METTL3: variants seen among roughly 807,000 people sequenced by gnomAD.
The protein encoded by METTL3 is methyltransferase 3, N6-adenosine-methyltransferase complex catalytic subunit, also known as N(6)-adenosine-methyltransferase catalytic subunit METTL3.
METTL3 carries 42 observed loss-of-function variants against 64.3 expected under a neutral mutation model. That is an observed-to-expected ratio of 0.65 (90% CI 0.51 to 0.84). The LOEUF (loss-of-function observed/expected upper bound fraction) is 0.84. Ranked by LOEUF, METTL3 falls within the 40% of genes least tolerant of loss-of-function variation. METTL3 has a pLI of 0.00. For synonymous variants in METTL3, 256 were observed against 263.6 expected (o/e 0.97, Z 0.28); for missense variants, 435 against 722.3 (o/e 0.60, Z 4.56).
chr14:21,498,808 C>G (rs1891478524), intron 10 of METTL3: 1 of 543,132 alleles, frequency 1.8e-6, no homozygotes, highest in Non-Finnish European at 3.3e-6. Context: ...GAGTAGAAAC[C>G]CTAGGGAGCA....
intron 4 of METTL3, 196 bp from the exon 5 acceptor site, chr14:21,501,325 T>C (rs571274890): frequency 3.4e-6 from 2 of 590,300 alleles, no homozygotes; most frequent in Non-Finnish European, 5.9e-6. Context: ...AATTCCTCTC[T>C]GAGTAAAGAC....
At chr14:21,501,600 C>G in intron 4 of METTL3, 128 bp downstream of exon 4, 1 of 1,152,530 alleles carries the variant, frequency 8.7e-7, no homozygotes, top group Non-Finnish European at 1.2e-6. Context: ...CCTTCAGGGT[C>G]TGGAGGACTT....
At chr14:21,498,501 AT>A in intron 10 of METTL3, 132 bp from the exon 11 acceptor site, 1 of 796,758 alleles carries the variant, frequency 1.3e-6, no homozygotes, top group Non-Finnish European at 2.0e-6. Flanking sequence ...AGAGCTTAAC[AT>A]TAGAATAGTA....
chr14:21,502,911 T>G, intron 3 of METTL3: 1 of 381,118 alleles, frequency 2.6e-6, no homozygotes, highest in Non-Finnish European at 4.7e-6. Context: ...CTGTTTGTTG[T>G]GGGGGTTTGT....
At chr14:21,505,231 C>T (rs1891669315) in intron 1 of METTL3, among the ~76,000 whole-genome samples, 1 of 152,236 alleles carries the variant, frequency 6.6e-6, no homozygotes, top group Admixed American at 6.5e-5. Context: ...ATTCCACTCT[C>T]ACCCATTTCT....
chr14:21,499,883 A>G, intron 6 of METTL3, 81 bp from the exon 7 acceptor site: 2 of 1,332,054 alleles, frequency 1.5e-6, no homozygotes, highest in South Asian at 1.2e-5. Context: ...TAAAAACACT[A>G]TAAACACTTT....
rs1891502245 is a variant in METTL3, at chr14:21,499,541, C to T, written c.1403G>A (p.Arg468Gln). The T allele has an allele frequency of 6.2e-7, 1 of 1,614,052 alleles. No homozygotes were observed. The highest frequency in any genetic ancestry group is 8.5e-7 in the Non-Finnish European group (1 of 1,180,038). The change falls in exon 8 of 11, where the codon CGG becomes CAG. Residue 468 changes from arginine to glutamine, a missense_variant. By Grantham distance (43) the Arg-to-Gln change is conservative (BLOSUM62 1). Around this residue, in one of 9 missense-constraint regions of METTL3, gnomAD observed 0 missense variants for 16.7 expected, o/e 0.00. Transcript: ENST00000298717. ...VKTNQLQRII[R>Q]TGRTGHWLNH... ...CAACCAGTGACCTGTACGGCCTGTC[C>T]GAATGATGCGTTGCAGTTGATTTGT...
intron 3 of METTL3, chr14:21,502,238 G>A (rs1263793): frequency 0.48 from 102,063 of 212,292 alleles, 25,004 homozygotes; most frequent in East Asian, 0.59. Flanking sequence ...TGCCCAGGCC[G>A]GTCTTGAACT....
rs3168880 is a variant in METTL3 at position 21,499,294 on chromosome 14, G to A, written c.1518+12C>T. 444,909 of 1,613,362 alleles carry A rather than the reference G, an allele frequency of 0.28. 63,641 individuals are homozygous for A. Among genetic ancestry groups the A allele is most frequent in the Middle Eastern group, 0.37 (2,267 of 6,060 alleles). On this transcript the variant is annotated intron_variant, in intron 9 of 10. Transcript: ENST00000298717. ...AAAATGTGGAAGCTTTGGAGGCCTG[G>A]GAAGCACATACCTCAGCTACGATCA...
chr14:21,499,256 A>G (rs1390035212), intron 9 of METTL3, 50 bp downstream of exon 9: 1 of 1,608,600 alleles, frequency 6.2e-7, no homozygotes, highest in African/African-American at 1.3e-5. Context: ...AACATGAATA[A>G]CTGATACCAA....
At chr14:21,504,352 A>G (rs1891645710) in intron 1 of METTL3, 1 of 158,716 alleles carries the variant, frequency 6.3e-6, no homozygotes, top group African/African-American at 2.4e-5. Flanking sequence ...TGTTACCTAT[A>G]ACACTCACAA....
At chr14:21,500,381 C>A (rs1891532174) in intron 6 of METTL3, 114 bp downstream of exon 6, 8 of 1,041,430 alleles carry the variant, frequency 7.7e-6, no homozygotes, top group Non-Finnish European at 1.1e-5. Context: ...GAAAAAAAGA[C>A]TAAATCAGTC....
chr14:21,505,071 G>T (rs1891665181), intron 1 of METTL3: 1 of 152,228 alleles, frequency 6.6e-6, no homozygotes, highest in Non-Finnish European at 1.5e-5. Flanking sequence ...GAGAGGCCAA[G>T]GTGGGAGGAT....
At position 21,499,629 on chromosome 14, in the gene METTL3, T is replaced by A. The variant is rs749643805; in HGVS notation, c.1344-29A>T. 5.0e-6 allele frequency: 8 copies of A among 1,606,106 alleles called. No homozygotes were observed. The South Asian group carries it at 8.8e-5, about 18-fold the overall frequency. On this transcript the variant is annotated intron_variant, in intron 7 of 10. Transcript: ENST00000298717. ...TGGGGCATAAAAAAGAACTAGAATT[T>A]TAGCCAAACTTTTACAGTTTAGGGG...
Position 21,503,498 on chromosome 14 carries a change from C to T in METTL3, c.398G>A (p.Arg133Gln), listed in dbSNP as rs911302939. Residue 133 changes from arginine (R) to glutamine (Q), a missense_variant, in exon 3 of 11, where the codon CGA becomes CAA. Coordinates refer to ENST00000298717, the MANE Select transcript of METTL3 (RefSeq NM_019852.5). ...FAAQELIEVK[R>Q]GLLQDDAHPT... is the part of the protein sequence containing the mutation. Reference sequence around the variant, plus strand: ...ATGTGCATCATCTTGTAGGAGACCTCGCTTTACCTCAATCAACTCCTGAGC... The same window carrying T: ...ATGTGCATCATCTTGTAGGAGACCTTGCTTTACCTCAATCAACTCCTGAGC... 1.9e-6 allele frequency: 3 copies of T among 1,611,958 alleles called. No individual in the cohort carries two copies. The highest frequency in any genetic ancestry group is 2.7e-5 in the African/African-American group (2 of 74,908).
At chr14:21,503,931 A>G (rs756983064) in intron 1 of METTL3, 50 bp from the exon 2 acceptor site, 10 of 1,553,804 alleles carry the variant, frequency 6.4e-6, no homozygotes, top group African/African-American at 2.7e-5. Flanking sequence ...CTGTTGGTCT[A>G]TATATTTCTG....
rs1334371913 is a variant in METTL3 at position 21,503,515 on chromosome 14, C to T, written c.381G>A (p.Glu127=). ...GGAGACCTCGCTTTACCTCAATCAACTCCTGAGCTGCAAACTTCTGCAGGA... is the reference window on the plus strand; with the variant it reads ...GGAGACCTCGCTTTACCTCAATCAATTCCTGAGCTGCAAACTTCTGCAGGA... The part of the protein sequence containing the change: ...ESLLQKFAAQ[E]LIEVKRGLLQ... Residue 127 remains glutamate (E), a synonymous_variant, in exon 3 of 11, where the codon GAG becomes GAA. Coordinates refer to ENST00000298717, the MANE Select transcript of METTL3 (RefSeq NM_019852.5). 1 of 1,612,130 alleles carries T rather than the reference C, an allele frequency of 6.2e-7. No homozygotes were observed. Among genetic ancestry groups the T allele is most frequent in the South Asian group, 1.1e-5 (1 of 91,088 alleles).
intron 1 of METTL3, 189 bp downstream of exon 1, chr14:21,510,935 G>A: frequency 1.6e-6 from 1 of 610,860 alleles, no homozygotes; most frequent in Non-Finnish European, 2.7e-6. Context: ...GAGGCCCAGC[G>A]TGAGGAGGAA....
rs1891460878 is a variant in METTL3 at position 21,498,362 on chromosome 14, G to A, written c.1639C>T (p.Leu547Phe). The A allele has an allele frequency of 7.4e-6, 12 of 1,613,994 alleles. No individual in the cohort carries two copies. Among genetic ancestry groups the A allele is most frequent in the Non-Finnish European group, 1.0e-5 (12 of 1,180,012 alleles). The stretch of plus-strand genomic sequence containing the variant: ...TGGATCCCATCCAGTTGGTTTCCAA[G>A]GGTGATCCTGAAACAGTGTAAAAGG... ...PHNVQPNWIT[L>F]GNQLDGIHLL... Residue 547 changes from leucine to phenylalanine, a missense_variant, in exon 11 of 11, where the codon CTT (leucine) becomes TTT (phenylalanine). By Grantham distance (22) the Leu-to-Phe change is conservative. This residue lies in a region of METTL3 where 38 missense variants were observed against 102.3 expected (regional missense o/e 0.37). Transcript: ENST00000298717.
Sources: allele counts gnomAD v4.1 joint callset (sites outside exome capture counted in the v4.1 genomes callset), GRCh38; gene constraint gnomAD v4.1.1; regional missense constraint gnomAD v4.1.1; transcripts MANE v1.5; gene names NCBI Gene and HGNC (gene_info 2026-07-23, HGNC 2026-07-21).